Variants in FBXW8 observed in about 807,000 individuals in gnomAD.
FBXW8 encodes the protein F-box and WD repeat domain containing 8.
In FBXW8, 57 loss-of-function variants were observed where a neutral mutation model predicts 65.3. The ratio of observed to expected loss-of-function variants is 0.87; its 90% CI spans 0.71 to 1.09. FBXW8 has a LOEUF of 1.09. Ranked by LOEUF, FBXW8 falls within the 50% of genes least tolerant of loss-of-function variation. The pLI, the probability that FBXW8 is intolerant of heterozygous loss-of-function variation, is 0.00. For synonymous variants in FBXW8, 308 were observed against 330.2 expected (o/e 0.93, Z 0.73); for missense variants, 777 against 814.8 (o/e 0.95, Z 0.57).
chr12:116,937,413 G>A (rs573090174), intron 2 of FBXW8, among the ~76,000 whole-genome samples: 11 of 152,322 alleles, frequency 7.2e-5, no homozygotes, highest in South Asian at 2.1e-4. Context: ...ATTAGAGGCC[G>A]TGGACATGAG....
At chr12:116,921,074 C>T (rs573964927) in intron 1 of FBXW8, among the ~76,000 whole-genome samples, 1 of 152,348 alleles carries the variant, frequency 6.6e-6, no homozygotes, top group Admixed American at 6.5e-5. Context: ...TTTCCCCCAG[C>T]ACTTGCATTT....
intron 1 of FBXW8, among the ~76,000 whole-genome samples, chr12:116,925,639 A>G (rs556250135): frequency 2.6e-5 from 4 of 152,266 alleles, no homozygotes; most frequent in African/African-American, 4.8e-5. Flanking sequence ...CTGAGAGCAC[A>G]GTGACTTTTT....
chr12:116,932,599 G>A (rs145748551), intron 2 of FBXW8, among the ~76,000 whole-genome samples: 1,561 of 152,240 alleles, frequency 0.01, 24 homozygotes, highest in African/African-American at 0.036. Flanking sequence ...GCAGTGGCGC[G>A]ATCTCGGCTC....
At chr12:116,960,549 CCT>C (rs1165341394) in intron 4 of FBXW8, among the ~76,000 whole-genome samples, 19 of 152,114 alleles carry the variant, frequency 1.2e-4, no homozygotes, top group African/African-American at 3.4e-4. Context: ...TAGCTTATCC[CCT>C]GTTTTATAGT....
chr12:116,915,746 G>C (rs758801742), intron 1 of FBXW8, among the ~76,000 whole-genome samples: 1 of 145,198 alleles, frequency 6.9e-6, no homozygotes, highest in Non-Finnish European at 1.5e-5. Flanking sequence ...CTGACTTCCC[G>C]GGTTCAAGTG....
intron 1 of FBXW8, among the ~76,000 whole-genome samples, chr12:116,924,123 A>G (rs1881133274): frequency 1.3e-5 from 2 of 150,544 alleles, no homozygotes. Flanking sequence ...TCTTCTTGGA[A>G]TATCTTTGTT....
At chr12:117,017,946 C>G (rs187982941) in intron 8 of FBXW8, among the ~76,000 whole-genome samples, 8 of 152,168 alleles carry the variant, frequency 5.3e-5, no homozygotes, top group Admixed American at 3.3e-4. Context: ...GTGCTGTGCT[C>G]GTGCTACTGC....
chr12:116,979,267 A>C (rs1316318309), intron 5 of FBXW8: 2 of 152,180 alleles, frequency 1.3e-5, no homozygotes, highest in Non-Finnish European at 2.9e-5. Context: ...TCATTACCAC[A>C]CTCTGGCTGG....
chr12:116,913,624 T>C (rs954094752), intron 1 of FBXW8, among the ~76,000 whole-genome samples: 5 of 152,208 alleles, frequency 3.3e-5, no homozygotes, highest in Non-Finnish European at 7.3e-5. Context: ...GGTAGGCTGC[T>C]GCTGCTGCTA....
intron 4 of FBXW8, among the ~76,000 whole-genome samples, chr12:116,953,343 C>T (rs542820283): frequency 7.2e-5 from 11 of 152,318 alleles, no homozygotes; most frequent in East Asian, 1.9e-4. Context: ...GGAGCCGCTC[C>T]GCTGTGTTTC....
At chr12:116,916,095 A>G (rs918510192) in intron 1 of FBXW8, among the ~76,000 whole-genome samples, 2 of 152,166 alleles carry the variant, frequency 1.3e-5, no homozygotes, top group African/African-American at 4.8e-5. Flanking sequence ...GCCACATCTT[A>G]TCTACTGTTG....
intron 5 of FBXW8, among the ~76,000 whole-genome samples, chr12:116,983,633 T>C (rs1220171885): frequency 6.6e-6 from 1 of 152,152 alleles, no homozygotes; most frequent in Non-Finnish European, 1.5e-5. Flanking sequence ...AAAAGAAAGA[T>C]AGGAAGATAC....
chr12:116,982,484 C>A (rs896191536), intron 5 of FBXW8, among the ~76,000 whole-genome samples: 1 of 152,106 alleles, frequency 6.6e-6, no homozygotes, highest in African/African-American at 2.4e-5. Context: ...GAACTGTGCA[C>A]GTGATATCAG....
chr12:116,983,887 ATGT>A (rs1323541186), intron 5 of FBXW8, among the ~76,000 whole-genome samples: 1 of 152,214 alleles, frequency 6.6e-6, no homozygotes, highest in Non-Finnish European at 1.5e-5. Flanking sequence ...GTAGTAGGTA[ATGT>A]TGTCTTCAAC....
chr12:116,930,575 A>AT (rs1165457302), intron 2 of FBXW8, among the ~76,000 whole-genome samples: 2 of 151,748 alleles, frequency 1.3e-5, no homozygotes, highest in East Asian at 3.9e-4. Flanking sequence ...GTTTGGAAAT[A>AT]TTTTTTCTCT....
intron 2 of FBXW8, among the ~76,000 whole-genome samples, chr12:116,943,227 C>T (rs183752580): frequency 3.9e-4 from 59 of 152,268 alleles, no homozygotes; most frequent in Non-Finnish European, 7.5e-4. Context: ...CTTCTGTTGA[C>T]TGCCTTTTCC....
intron 7 of FBXW8, among the ~76,000 whole-genome samples, chr12:117,010,045 T>G (rs1431256095): frequency 1.3e-5 from 2 of 152,234 alleles, no homozygotes; most frequent in African/African-American, 4.8e-5. Context: ...TTAGAATACC[T>G]GATTTCCCTG....
intron 2 of FBXW8, among the ~76,000 whole-genome samples, chr12:116,937,562 A>G (rs186095024): frequency 6.6e-6 from 1 of 152,322 alleles, no homozygotes; most frequent in East Asian, 1.9e-4. Flanking sequence ...TTGTTCATCA[A>G]GTAAGAGGAG....
intron 1 of FBXW8, among the ~76,000 whole-genome samples, chr12:116,926,696 G>A (rs747870261): frequency 6.6e-6 from 1 of 151,606 alleles, no homozygotes; most frequent in African/African-American, 2.4e-5. Flanking sequence ...TTAACATTCT[G>A]TTCCTTCTCT....
Sources: gnomAD v4.1 joint callset for allele counts (sites outside exome capture counted in the v4.1 genomes callset) on GRCh38, gnomAD v4.1.1 for gene constraint, MANE v1.5 for transcripts, NCBI Gene and HGNC (gene_info 2026-07-23, HGNC 2026-07-21) for gene names.